SRPK2: variants seen among roughly 807,000 people sequenced by gnomAD.
The protein encoded by SRPK2 is SRSF protein kinase 2, also known as SFRS protein kinase 2.
In SRPK2, 21 loss-of-function variants were observed where a neutral mutation model predicts 90.8. The ratio of observed to expected loss-of-function variants is 0.23; its 90% CI spans 0.16 to 0.33. The LOEUF is 0.33. Ranked by LOEUF, SRPK2 falls within the 10% of genes least tolerant of loss-of-function variation. The pLI is 1.00. For missense variants in SRPK2, 620 were observed against 869.0 expected (o/e 0.71, Z 3.60); for synonymous variants, 288 against 311.1 (o/e 0.93, Z 0.78).
chr7:105,327,067 C>CAAAAA (rs11350866), intron 2 of SRPK2, among the ~76,000 whole-genome samples: 1 of 123,312 alleles, frequency 8.1e-6, no homozygotes. Context: ...AACTCCGTAT[C>CAAAAA]AAAAAAAAAA....
rs765544583 is a variant in SRPK2 at position 105,159,448 on chromosome 7, CAAAAAAAAA to C, written c.621+1050_621+1058del. 8.4e-3 allele frequency among the ~76,000 whole-genome samples: 278 copies of C among 33,154 alleles called. 2 individuals are homozygous for C. The highest frequency in any genetic ancestry group is 0.023 in the African/African-American group (245 of 10,706). 21.8% of individuals were successfully genotyped at this position (33,154 alleles called of 152,430 possible). On this transcript the variant is annotated intron_variant, in intron 7 of 15. Coordinates refer to ENST00000393651, the MANE Select transcript of SRPK2 (RefSeq NM_182692.3). ...GGGTGACAGAGCGAGACTCCGTCTC[CAAAAAAAAA>C]AAAAAAAAAAAAAAAACCGTACAAA...
At chr7:105,313,358 A>G (rs1394986806) in intron 2 of SRPK2, among the ~76,000 whole-genome samples, 1 of 151,446 alleles carries the variant, frequency 6.6e-6, no homozygotes, top group East Asian at 1.9e-4. Context: ...GAGGCAGGAG[A>G]ATCGCTTGAA....
intron 2 of SRPK2, among the ~76,000 whole-genome samples, chr7:105,340,086 A>G (rs899045871): frequency 1.1e-4 from 16 of 150,738 alleles, no homozygotes; most frequent in Non-Finnish European, 2.1e-4. Context: ...AAAAAAGGCC[A>G]GGATCCGTAA....
intron 3 of SRPK2, among the ~76,000 whole-genome samples, chr7:105,197,002 G>A (rs963957123): frequency 2.0e-5 from 3 of 152,082 alleles, no homozygotes; most frequent in African/African-American, 7.2e-5. Context: ...AGTGGAGATT[G>A]CAGCATTGCA....
chr7:105,176,223 A>G (rs1791821569), intron 3 of SRPK2, among the ~76,000 whole-genome samples: 1 of 152,208 alleles, frequency 6.6e-6, no homozygotes, highest in Non-Finnish European at 1.5e-5. Context: ...AAAAAAGAAA[A>G]TCTATATGAT....
At chr7:105,380,935 C>A (rs950460457) in intron 2 of SRPK2, among the ~76,000 whole-genome samples, 2 of 125,190 alleles carry the variant, frequency 1.6e-5, no homozygotes, top group Non-Finnish European at 3.2e-5. Flanking sequence ...GACCATATTA[C>A]TTTTATTACT....
chr7:105,397,261 C>A (rs1272662350), intron 1 of SRPK2, among the ~76,000 whole-genome samples: 1 of 151,998 alleles, frequency 6.6e-6, no homozygotes, highest in East Asian at 1.9e-4. Context: ...CGTGATCCAC[C>A]CGCCTCGGCC....
rs77275132 is a variant in SRPK2 at position 105,177,162 on chromosome 7, A to C, written c.230-7897T>G. ...AAAAACACATAAAAAAGAGCTGGTAAAGTGAAAATAAAAACATGATATGCA... is the reference window on the plus strand; with the variant it reads ...AAAAACACATAAAAAAGAGCTGGTACAGTGAAAATAAAAACATGATATGCA... On this transcript the variant is annotated intron_variant, in intron 3 of 15. Coordinates refer to ENST00000393651, the MANE Select transcript of SRPK2 (RefSeq NM_182692.3). Among the ~76,000 whole-genome samples the C allele has an allele frequency of 3.1e-3, 466 of 152,316 alleles. 14 individuals carry two copies. The East Asian group carries it at 0.062, about 20-fold the overall frequency.
intron 3 of SRPK2, among the ~76,000 whole-genome samples, chr7:105,194,564 C>A (rs1297471168): frequency 2.0e-5 from 3 of 152,102 alleles, no homozygotes; most frequent in Non-Finnish European, 4.4e-5. Context: ...CCATCAAAAC[C>A]ACACCAAAAA....
chr7:105,331,464 T>C (rs1585743544), intron 2 of SRPK2, among the ~76,000 whole-genome samples: 1 of 151,874 alleles, frequency 6.6e-6, no homozygotes, highest in Admixed American at 6.6e-5. Context: ...TAAAACCATA[T>C]CCTGGCTTTG....
At chr7:105,283,864 T>C (rs1279322300) in intron 2 of SRPK2, among the ~76,000 whole-genome samples, 4 of 149,612 alleles carry the variant, frequency 2.7e-5, no homozygotes, top group Non-Finnish European at 5.9e-5. Context: ...GGAGTGGTGG[T>C]GTACGCCTGT....
intron 2 of SRPK2, 110 bp downstream of exon 2, chr7:105,388,538 G>C: frequency 1.0e-6 from 1 of 961,724 alleles, no homozygotes; most frequent in East Asian, 3.7e-5. Context: ...CGTCCCGGGG[G>C]ACCAGCCCGC....
chr7:105,287,000 G>A (rs1490536061), intron 2 of SRPK2, among the ~76,000 whole-genome samples: 4 of 152,054 alleles, frequency 2.6e-5, no homozygotes, highest in South Asian at 4.1e-4. Context: ...GGTGGCTCAC[G>A]CCTGTAATCC....
intron 2 of SRPK2, among the ~76,000 whole-genome samples, chr7:105,380,944 C>CT (rs1242876587): frequency 9.7e-6 from 1 of 103,254 alleles, no homozygotes; most frequent in Non-Finnish European, 1.9e-5. Flanking sequence ...ACTTTTATTA[C>CT]TTTAAAAAAA....
At chr7:105,238,793 G>A (rs1188383146) in intron 2 of SRPK2, among the ~76,000 whole-genome samples, 2 of 152,096 alleles carry the variant, frequency 1.3e-5, no homozygotes, top group Non-Finnish European at 2.9e-5. Context: ...TTTTCAGTAG[G>A]AAATTAGAAA....
intron 2 of SRPK2, among the ~76,000 whole-genome samples, chr7:105,244,290 C>T (rs1203830892): frequency 6.6e-6 from 1 of 152,196 alleles, no homozygotes; most frequent in African/African-American, 2.4e-5. Flanking sequence ...AAATACAGGG[C>T]CGGGCGCGGT....
chr7:105,375,742 C>G (rs949804710), intron 2 of SRPK2, among the ~76,000 whole-genome samples: 1 of 152,078 alleles, frequency 6.6e-6, no homozygotes, highest in African/African-American at 2.4e-5. Flanking sequence ...TCCTTGGGAC[C>G]AGATGTTTCG....
At chr7:105,299,547 G>A (rs1295073916) in intron 2 of SRPK2, among the ~76,000 whole-genome samples, 2 of 152,224 alleles carry the variant, frequency 1.3e-5, no homozygotes, top group Non-Finnish European at 2.9e-5. Flanking sequence ...GAGATATAAC[G>A]GTCCCATCAC....
chr7:105,118,512 C>T (rs1375723431), intron 15 of SRPK2, among the ~76,000 whole-genome samples: 2 of 152,076 alleles, frequency 1.3e-5, no homozygotes, highest in African/African-American at 4.8e-5. Flanking sequence ...TGAAAAGTGT[C>T]GGTTACAGGC....
Sources: allele counts gnomAD v4.1 joint callset (sites outside exome capture counted in the v4.1 genomes callset), GRCh38; gene constraint gnomAD v4.1.1; transcripts MANE v1.5; gene names NCBI Gene and HGNC (gene_info 2026-07-23, HGNC 2026-07-21).